Variants in DPYSL3 observed in about 807,000 individuals in gnomAD.
DPYSL3 encodes dihydropyrimidinase like 3.
In DPYSL3, 16 loss-of-function variants were observed where a neutral mutation model predicts 66.1. The observed-to-expected ratio is 0.24, with a 90% CI of 0.16 to 0.37. The LOEUF (loss-of-function observed/expected upper bound fraction) is 0.37. Among genes scored for constraint, DPYSL3 ranks in the 10% least tolerant of loss-of-function variants. DPYSL3 has a pLI of 1.00. For synonymous variants in DPYSL3, 338 were observed against 345.1 expected (o/e 0.98, Z 0.23); for missense variants, 738 against 916.2 (o/e 0.81, Z 2.51).
intron 4 of DPYSL3, among the ~76,000 whole-genome samples, chr5:147,414,054 G>A (rs956407853): frequency 6.6e-6 from 1 of 152,154 alleles, no homozygotes; most frequent in Admixed American, 6.5e-5. Flanking sequence ...CTAGTTCAGT[G>A]AGCTTGGGAT....
chr5:147,447,952 C>T (rs936370095), intron 1 of DPYSL3, among the ~76,000 whole-genome samples: 1 of 152,184 alleles, frequency 6.6e-6, no homozygotes, highest in Non-Finnish European at 1.5e-5. Flanking sequence ...AGGATGAAAA[C>T]ATTTACACCT....
chr5:147,425,067 C>T (rs1752170100), intron 1 of DPYSL3, 104 bp from the exon 2 acceptor site: 2 of 798,686 alleles, frequency 2.5e-6, no homozygotes, highest in South Asian at 1.8e-5. Context: ...CTAGTAGAAA[C>T]ACATTTACCA....
intron 1 of DPYSL3, chr5:147,453,862 T>G: frequency 1.3e-6 from 1 of 746,230 alleles, no homozygotes; most frequent in African/African-American, 1.9e-5. Flanking sequence ...TTTTTTTCTT[T>G]TGCTGCGCCA....
chr5:147,452,904 C>CAA (rs1375045219), intron 1 of DPYSL3, among the ~76,000 whole-genome samples: 1 of 151,692 alleles, frequency 6.6e-6, no homozygotes, highest in Non-Finnish European at 1.5e-5. Context: ...CACACACACA[C>CAA]ACACACACAC....
At chr5:147,448,827 AACCTGGCTAAGAATCAGCACAT>A (rs1752675252) in intron 1 of DPYSL3, among the ~76,000 whole-genome samples, 1 of 152,250 alleles carries the variant, frequency 6.6e-6, no homozygotes, top group African/African-American at 2.4e-5. Context: ...GAAAAGGAAT[AACCTGGCTAAGAATCAGCACAT>A]ACCTGCTCAA....
At chr5:147,400,620 G>T in intron 10 of DPYSL3, 72 bp downstream of exon 10, 2 of 1,560,666 alleles carry the variant, frequency 1.3e-6, no homozygotes, top group South Asian at 1.2e-5. Context: ...AGCCCAACTG[G>T]TGGCAGGAGG....
chr5:147,400,822 T>G lies in DPYSL3; in HGVS notation c.1322A>C (p.Gln441Pro). Residue 441 changes from glutamine to proline, a missense_variant, in exon 10 of 14, where the codon CAG (glutamine) becomes CCG (proline). Transcript: ENST00000343218. ...INSLLASGDL[Q>P]LSGSAHCTFS... The stretch of plus-strand genomic sequence containing the variant: ...GGTGCAGTGGGCACTCCCAGATAGC[T>G]GCAGATCCCCGCTGGCAAAGGAGAA... The G allele has an allele frequency of 6.2e-7, 1 of 1,613,718 alleles. No individual in the cohort carries two copies. The highest frequency in any genetic ancestry group is 8.5e-7 in the Non-Finnish European group (1 of 1,179,778).
intron 1 of DPYSL3, among the ~76,000 whole-genome samples, chr5:147,427,795 T>C (rs1752224027): frequency 6.6e-6 from 1 of 152,156 alleles, no homozygotes. Flanking sequence ...CAACAGGAAC[T>C]TCATAATAAT....
rs1253826486 is a variant in DPYSL3, at chr5:147,509,691, G to T, written c.168C>A (p.Ser56Arg). 1 of 1,535,946 alleles carries T rather than the reference G, an allele frequency of 6.5e-7. No individual in the cohort carries two copies. Among genetic ancestry groups the T allele is most frequent in the East Asian group, 2.4e-5 (1 of 40,888 alleles). The change falls in exon 1 of 14, where the codon AGC becomes AGA. Residue 56 changes from serine (S) to arginine (R), a missense_variant. By Grantham distance (110) the Ser-to-Arg change is moderately radical (BLOSUM62 -1). Coordinates refer to ENST00000343218, the MANE Select transcript of DPYSL3 (RefSeq NM_001197294.2). This position sits in a 1 kb window ranked among gnomAD's most constrained non-coding sequence, Gnocchi z 5.3. Reference protein sequence around the residue: ...ESKTLDFDALSVGQRGAKTPR... With the variant: ...ESKTLDFDALRVGQRGAKTPR... Reference sequence around the variant, plus strand: ...GAGTCTTCGCGCCCCGCTGCCCCACGCTGAGGGCATCGAAATCCAGCGTCT... The same window carrying T: ...GAGTCTTCGCGCCCCGCTGCCCCACTCTGAGGGCATCGAAATCCAGCGTCT...
chr5:147,399,856 A>G (rs1758118343), intron 10 of DPYSL3, among the ~76,000 whole-genome samples: 1 of 152,212 alleles, frequency 6.6e-6, no homozygotes, highest in Non-Finnish European at 1.5e-5. Flanking sequence ...GCAGTATATG[A>G]AAAAGGAAAC....
intron 1 of DPYSL3, among the ~76,000 whole-genome samples, chr5:147,492,463 A>G (rs2126448644): frequency 6.6e-6 from 1 of 152,282 alleles, no homozygotes; most frequent in Non-Finnish European, 1.5e-5. Flanking sequence ...TCTGTTATAT[A>G]TGCTGATGTA....
At chr5:147,507,653 A>G (rs1364730213) in intron 1 of DPYSL3, among the ~76,000 whole-genome samples, 1 of 152,186 alleles carries the variant, frequency 6.6e-6, no homozygotes, top group African/African-American at 2.4e-5. Context: ...AGAGATAATA[A>G]CATGGCCTGG....
At chr5:147,437,798 G>GTAAAGAAGGGCTTTAC (rs1752440525) in intron 1 of DPYSL3, among the ~76,000 whole-genome samples, 2 of 152,316 alleles carry the variant, frequency 1.3e-5, no homozygotes, top group East Asian at 3.9e-4. Flanking sequence ...GGGCTTTGGA[G>GTAAAGAAGGGCTTTAC]TCCTGACTGT....
intron 1 of DPYSL3, among the ~76,000 whole-genome samples, chr5:147,430,464 C>T (rs1477072552): frequency 1.4e-5 from 2 of 146,488 alleles, no homozygotes; most frequent in Admixed American, 6.9e-5. Context: ...GAGCCAAGAT[C>T]GCACCATTGC....
At chr5:147,453,535 G>C in intron 1 of DPYSL3, 2 of 1,529,510 alleles carry the variant, frequency 1.3e-6, no homozygotes, top group Non-Finnish European at 1.8e-6. Context: ...GGGAGCAGCG[G>C]CGCCCGGACT....
At chr5:147,444,123 A>T (rs1035913470) in intron 1 of DPYSL3, among the ~76,000 whole-genome samples, 1 of 152,116 alleles carries the variant, frequency 6.6e-6, no homozygotes, top group African/African-American at 2.4e-5. Flanking sequence ...TGGGAGAGGG[A>T]TAAGTTATTA....
At position 147,413,580 on chromosome 5, in the gene DPYSL3, G is replaced by C. The variant is rs779233324; in HGVS notation, c.882+16C>G. The C allele has an allele frequency of 8.7e-6, 14 of 1,606,114 alleles. No homozygotes were observed. The highest frequency in any genetic ancestry group is 6.7e-5 in the African/African-American group (5 of 74,696). On this transcript the variant is annotated intron_variant, in intron 5 of 13. Coordinates refer to ENST00000343218, the MANE Select transcript of DPYSL3 (RefSeq NM_001197294.2). ...CCATCCAGATACCCCAAACCACATA[G>C]CAAATGGGTTGTTACCTCTGTGTTA...
chr5:147,481,606 C>A (rs1389746823), intron 1 of DPYSL3, among the ~76,000 whole-genome samples: 2 of 152,194 alleles, frequency 1.3e-5, no homozygotes, highest in Non-Finnish European at 2.9e-5. Flanking sequence ...AACGTAATCC[C>A]TAATGCAACA....
chr5:147,483,955 T>C (rs1384973420), intron 1 of DPYSL3, among the ~76,000 whole-genome samples: 1 of 152,186 alleles, frequency 6.6e-6, no homozygotes, highest in Non-Finnish European at 1.5e-5. Flanking sequence ...GGAGTGAACA[T>C]TACACGTCAC....
Sources: allele counts gnomAD v4.1 joint callset (sites outside exome capture counted in the v4.1 genomes callset), GRCh38; gene constraint gnomAD v4.1.1; non-coding constraint Gnocchi (gnomAD v3.1); transcripts MANE v1.5; gene names NCBI Gene and HGNC (gene_info 2026-07-23, HGNC 2026-07-21).